The following ERI3 variants were observed in gnomAD, a reference collection of about 807,000 sequenced individuals.
ERI3 encodes the protein ERI1 exoribonuclease family member 3, also known as ERI1 exoribonuclease 3.
ERI3 carries 18 observed loss-of-function variants against 44.4 expected under a neutral mutation model. The ratio of observed to expected loss-of-function variants is 0.41; its 90% confidence interval spans 0.28 to 0.60. The LOEUF is 0.60. Ranked by LOEUF, ERI3 falls within the 20% of genes least tolerant of loss-of-function variation. The pLI is 0.36. For synonymous variants in ERI3, 183 were observed against 164.8 expected, an observed-to-expected ratio of 1.11 and a Z score of -0.84; for missense variants, 294 against 435.5, an observed-to-expected ratio of 0.68 and a Z score of 2.89.
chr1:44,313,454 T>C (rs1184754586), intron 4 of ERI3, among the ~76,000 whole-genome samples: 2 of 152,166 alleles, frequency 1.3e-5, no homozygotes, highest in African/African-American at 4.8e-5. Context: ...GGTGTACACA[T>C]ACACATGCTG....
rs557500766 is a variant in ERI3 at position 44,223,419 on chromosome 1, T to C, written c.932-1779A>G. Among the ~76,000 whole-genome samples, 7 of 152,100 alleles carry C rather than the reference T, an allele frequency of 4.6e-5. No homozygotes were observed. In the South Asian group the frequency reaches 1.5e-3, roughly 32 times the overall value. On this transcript the variant is annotated intron_variant, in intron 8 of 8. Transcript: ENST00000372257. ...GGGTTAGGATGGGGTCCATGGGCTG[T>C]GGTAGTGCCAACAGAGAGACTATGA... is the stretch of plus-strand genomic sequence containing the variant.
At chr1:44,242,729 T>C (rs1302753566) in intron 8 of ERI3, among the ~76,000 whole-genome samples, 1 of 151,902 alleles carries the variant, frequency 6.6e-6, no homozygotes, top group African/African-American at 2.4e-5. Flanking sequence ...AGGAATAGGG[T>C]GATCAGAAGG....
intron 6 of ERI3, among the ~76,000 whole-genome samples, chr1:44,286,074 T>G (rs929048866): frequency 6.6e-6 from 1 of 152,222 alleles, no homozygotes; most frequent in African/African-American, 2.4e-5. Context: ...GAGAAAGCAG[T>G]AGACCTCTGC....
At chr1:44,305,160 G>A (rs532890140) in intron 6 of ERI3, among the ~76,000 whole-genome samples, 4 of 152,266 alleles carry the variant, frequency 2.6e-5, no homozygotes, top group African/African-American at 2.4e-5. Flanking sequence ...TCAGACTCAC[G>A]GCCCACTGGG....
At chr1:44,259,272 G>C (rs1644838751) in intron 7 of ERI3, among the ~76,000 whole-genome samples, 3 of 152,050 alleles carry the variant, frequency 2.0e-5, no homozygotes, top group Admixed American at 2.0e-4. Context: ...AAGCTGGCTG[G>C]CTGCCTGGCT....
intron 7 of ERI3, among the ~76,000 whole-genome samples, chr1:44,261,257 G>A (rs916091782): frequency 6.6e-6 from 1 of 152,258 alleles, no homozygotes; most frequent in Non-Finnish European, 1.5e-5. Context: ...ATCTGAGAGC[G>A]TGGCACGCCC....
chr1:44,235,995 G>A lies in ERI3; in HGVS notation c.931+11944C>T, dbSNP rs1234736590. ...GCTAATCCCTATTAATTTCAATACC[G>A]CCGCCTTGCCTGGCTCAGCTCCCAA... On this transcript the variant is annotated intron_variant, in intron 8 of 8. Transcript: ENST00000372257. This position sits in a 1 kb window ranked among gnomAD's most constrained non-coding sequence, Gnocchi z 4.6. 1.3e-5 allele frequency among the ~76,000 whole-genome samples: 2 copies of A among 152,150 alleles called. No individual in the cohort carries two copies. The highest frequency in any genetic ancestry group is 2.9e-5 in the Non-Finnish European group (2 of 68,024).
At chr1:44,295,799 A>G (rs2154325585) in intron 6 of ERI3, among the ~76,000 whole-genome samples, 1 of 152,320 alleles carries the variant, frequency 6.6e-6, no homozygotes, top group South Asian at 2.1e-4. Context: ...TCAACAGGAA[A>G]CATCACTCAT....
chr1:44,340,025 G>C (rs879399229), intron 2 of ERI3, among the ~76,000 whole-genome samples: 2 of 151,864 alleles, frequency 1.3e-5, no homozygotes, highest in Admixed American at 1.3e-4. Flanking sequence ...CCTTAGACTC[G>C]GTCTCTACTC....
chr1:44,322,469 T>C (rs1572276330), intron 3 of ERI3, among the ~76,000 whole-genome samples: 2 of 151,960 alleles, frequency 1.3e-5, no homozygotes, highest in African/African-American at 4.8e-5. Context: ...ATTGGGCCTA[T>C]TATAAACATA....
intron 2 of ERI3, among the ~76,000 whole-genome samples, chr1:44,350,939 G>A (rs1646877260): frequency 1.3e-5 from 2 of 151,936 alleles, no homozygotes; most frequent in African/African-American, 4.8e-5. Flanking sequence ...AAAATAAAAT[G>A]CTATCCACGT....
intron 8 of ERI3, among the ~76,000 whole-genome samples, chr1:44,229,054 C>G (rs1163367939): frequency 1.3e-5 from 2 of 152,180 alleles, no homozygotes; most frequent in Non-Finnish European, 2.9e-5. Context: ...AGCTACAGGC[C>G]TAGACCAGGT....
At chr1:44,295,353 A>G (rs772879226) in intron 6 of ERI3, among the ~76,000 whole-genome samples, 6 of 152,198 alleles carry the variant, frequency 3.9e-5, no homozygotes, top group Non-Finnish European at 8.8e-5. Flanking sequence ...TTCTCACAGC[A>G]TTTGTGTTGT....
At chr1:44,268,466 G>C (rs928580319) in intron 7 of ERI3, among the ~76,000 whole-genome samples, 1 of 152,184 alleles carries the variant, frequency 6.6e-6, no homozygotes, top group African/African-American at 2.4e-5. Context: ...AAATTAAAGA[G>C]AACTGAAAAC....
chr1:44,265,153 A>C (rs919865907), intron 7 of ERI3, among the ~76,000 whole-genome samples: 3 of 151,692 alleles, frequency 2.0e-5, no homozygotes, highest in Non-Finnish European at 4.4e-5. Flanking sequence ...AGCGGGAAGG[A>C]GAACAAGTGG....
chr1:44,267,620 C>G (rs2154320989), intron 7 of ERI3, among the ~76,000 whole-genome samples: 1 of 152,376 alleles, frequency 6.6e-6, no homozygotes, highest in Admixed American at 6.5e-5. Context: ...TTAGGCACAG[C>G]AAACACACCA....
intron 2 of ERI3, among the ~76,000 whole-genome samples, chr1:44,342,830 T>C (rs189419891): frequency 0.12 from 3,396 of 27,874 alleles, 299 homozygotes; most frequent in Non-Finnish European, 0.14. Context: ...TATATATATA[T>C]ATATATATAT....
At chr1:44,312,230 T>C (rs1011183045) in intron 5 of ERI3, among the ~76,000 whole-genome samples, 1 of 152,224 alleles carries the variant, frequency 6.6e-6, no homozygotes, top group Admixed American at 6.5e-5. Context: ...CCAGTGCAGA[T>C]GTGCCCTGCT....
intron 4 of ERI3, 136 bp from the exon 5 acceptor site, chr1:44,313,364 C>T (rs1646014570): frequency 2.7e-6 from 2 of 733,136 alleles, no homozygotes; most frequent in East Asian, 2.7e-5. Flanking sequence ...GGTTCAGAGC[C>T]CACCTAGAAG....
Sources: allele counts gnomAD v4.1 joint callset (sites outside exome capture counted in the v4.1 genomes callset), GRCh38; gene constraint gnomAD v4.1.1; non-coding constraint Gnocchi (gnomAD v3.1); transcripts MANE v1.5; gene names NCBI Gene and HGNC (gene_info 2026-07-23, HGNC 2026-07-21).